NFIB: variants seen among roughly 807,000 people sequenced by gnomAD.
NFIB encodes the protein nuclear factor 1 B-type.
Under a neutral mutation model 61.5 loss-of-function variants are expected in NFIB, and 11 were observed. The ratio of observed to expected loss-of-function variants is 0.18; its 90% CI spans 0.11 to 0.30. NFIB has a LOEUF of 0.30. Among genes scored for constraint, NFIB ranks in the 10% least tolerant of loss-of-function variants. The pLI is 1.00. For missense variants in NFIB, 471 were observed against 608.9 expected (o/e 0.77, Z 2.38); for synonymous variants, 260 against 216.5 (o/e 1.20, Z -1.76).
intron 2 of NFIB, among the ~76,000 whole-genome samples, chr9:14,252,456 A>G (rs909571685): frequency 6.6e-6 from 1 of 152,134 alleles, no homozygotes; most frequent in Admixed American, 6.5e-5. Flanking sequence ...CTGTCAGTAA[A>G]GTAATAAAGT....
the NFIB span, among the ~76,000 whole-genome samples, chr9:14,477,966 C>G: frequency 6.6e-6 from 1 of 152,092 alleles, no homozygotes; most frequent in Non-Finnish European, 1.5e-5. Context: ...CACCCCACCC[C>G]CCATTCTATG....
intron 10 of NFIB, among the ~76,000 whole-genome samples, chr9:14,091,284 A>G (rs1249950939): frequency 6.6e-6 from 1 of 152,000 alleles, no homozygotes; most frequent in Non-Finnish European, 1.5e-5. Flanking sequence ...AACTAATTCA[A>G]TGACTGAGAT....
rs73645041 is a variant in NFIB, at chr9:14,281,347, T to C, written c.562+25642A>G. On this transcript the variant is annotated intron_variant, in intron 2 of 10. Coordinates refer to ENST00000380953, the MANE Select transcript of NFIB (RefSeq NM_001190737.2). ...AGTGAAAGGAGAACTAGTACATTTA[T>C]AAAGGAAGGCAAGGAGTAGAAAAAT... 6.2e-3 allele frequency among the ~76,000 whole-genome samples: 944 copies of C among 152,294 alleles called. 8 individuals carry two copies. The highest frequency in any genetic ancestry group is 0.021 in the African/African-American group (890 of 41,540).
chr9:14,306,871 G>A, intron 2 of NFIB, 118 bp downstream of exon 2: 1 of 1,246,936 alleles, frequency 8.0e-7, no homozygotes, highest in Non-Finnish European at 1.1e-6. Context: ...ACTATACCCA[G>A]AGAGGGTGGA....
At chr9:14,194,893 G>A (rs560565687) in intron 2 of NFIB, among the ~76,000 whole-genome samples, 3 of 152,044 alleles carry the variant, frequency 2.0e-5, no homozygotes, top group East Asian at 3.9e-4. Context: ...CTGAGATAAC[G>A]TATTAGGAAA....
At chr9:14,116,458 G>A (rs1255732457) in intron 8 of NFIB, 112 bp from the exon 9 acceptor site, 7 of 1,095,790 alleles carry the variant, frequency 6.4e-6, no homozygotes, top group Admixed American at 4.0e-5. Flanking sequence ...GCGCATAGGC[G>A]CCACACAGGC....
chr9:14,168,930 T>A (rs2045246059), intron 3 of NFIB, among the ~76,000 whole-genome samples: 1 of 152,194 alleles, frequency 6.6e-6, no homozygotes, highest in Non-Finnish European at 1.5e-5. Context: ...TAAGGTAACA[T>A]TATTCATGTG....
rs527472655 is a variant in NFIB at position 14,278,343 on chromosome 9, C to T, written c.562+28646G>A. Among the ~76,000 whole-genome samples, 11 of 152,314 alleles carry T rather than the reference C, an allele frequency of 7.2e-5. No individual in the cohort carries two copies. In the East Asian group the frequency reaches 1.7e-3, roughly 24 times the overall value. The stretch of plus-strand genomic sequence containing the variant: ...GACAGTGGTCCATTGTTAATTGAGT[C>T]GTGCGAAGCTACAGAAAGATTAGTT... On this transcript the variant is annotated intron_variant, in intron 2 of 10. Transcript: ENST00000380953.
At chr9:14,168,391 G>T (rs1024795996) in intron 3 of NFIB, among the ~76,000 whole-genome samples, 4 of 152,218 alleles carry the variant, frequency 2.6e-5, no homozygotes, top group African/African-American at 9.6e-5. Flanking sequence ...AAACAGCACT[G>T]CAGAGAGGCT....
intron 2 of NFIB, among the ~76,000 whole-genome samples, chr9:14,292,662 G>A (rs1284588613): frequency 6.6e-6 from 1 of 152,158 alleles, no homozygotes; most frequent in Non-Finnish European, 1.5e-5. Flanking sequence ...CCTGCAAACA[G>A]TAGGACCAGC....
chr9:14,478,149 A>G, the NFIB span, among the ~76,000 whole-genome samples: 5 of 152,182 alleles, frequency 3.3e-5, no homozygotes, highest in African/African-American at 1.2e-4. Context: ...ACACACCTAC[A>G]TATTCACACA....
intron 1 of NFIB, among the ~76,000 whole-genome samples, chr9:14,320,838 A>G (rs1277193973): frequency 6.6e-6 from 1 of 152,182 alleles, no homozygotes; most frequent in African/African-American, 2.4e-5. Flanking sequence ...GCCTATTGGA[A>G]GTTAAAGTTA....
chr9:14,422,662 G>C, the NFIB span, among the ~76,000 whole-genome samples: 1 of 152,202 alleles, frequency 6.6e-6, no homozygotes, highest in Non-Finnish European at 1.5e-5. Flanking sequence ...GATTCAGATT[G>C]GCTCAGCATA....
At chr9:14,318,912 C>A (rs1187528697), upstream of NFIB, among the ~76,000 whole-genome samples, 1 of 152,178 alleles carries the variant, frequency 6.6e-6, no homozygotes, top group Non-Finnish European at 1.5e-5. Flanking sequence ...CTGAGTACTA[C>A]TACTACTGTC....
chr9:14,408,567 T>C, the NFIB span, among the ~76,000 whole-genome samples: 1 of 152,226 alleles, frequency 6.6e-6, no homozygotes, highest in African/African-American at 2.4e-5. Flanking sequence ...TGGATGTGAT[T>C]ACATGATGCA....
chr9:14,467,877 G>A, the NFIB span, among the ~76,000 whole-genome samples: 2 of 152,180 alleles, frequency 1.3e-5, no homozygotes, highest in African/African-American at 2.4e-5. Context: ...TGAAAAAACT[G>A]AGGCTGAGTG....
the NFIB span, among the ~76,000 whole-genome samples, chr9:14,457,530 G>GACAGAGAC: frequency 6.7e-6 from 1 of 149,698 alleles, no homozygotes; most frequent in Non-Finnish European, 1.5e-5. Flanking sequence ...AACTGAAGGA[G>GACAGAGAC]ACAGAGACAC....
rs1475307547 is a variant in NFIB, at chr9:14,204,410, G to C, written c.563-24630C>G. The C allele has an allele frequency of 6.2e-6, 7 of 1,134,564 alleles. No homozygotes were observed. The East Asian group carries it at 1.7e-4, about 27-fold the overall frequency. 70.3% of individuals were successfully genotyped at this position (1,134,564 alleles called of 1,614,324 possible). Reference sequence around the variant, plus strand: ...GCCCAAAAGAGACCTCGCCCGCTTTGTGAAATGGCCCCGCTATAGCAGGTT... The same window carrying C: ...GCCCAAAAGAGACCTCGCCCGCTTTCTGAAATGGCCCCGCTATAGCAGGTT... On this transcript the variant is annotated intron_variant, in intron 2 of 10. Transcript: ENST00000380953.
the NFIB span, among the ~76,000 whole-genome samples, chr9:14,481,218 T>TATATATATGTATATATATATGTAC: frequency 6.3e-3 from 720 of 114,194 alleles, 36 homozygotes; most frequent in Non-Finnish European, 0.01. Context: ...TATATATATA[T>TATATATATGTATATATATATGTAC]ATATATATAT....
Sources: allele counts gnomAD v4.1 joint callset (sites outside exome capture counted in the v4.1 genomes callset), GRCh38; gene constraint gnomAD v4.1.1; transcripts MANE v1.5; gene names NCBI Gene and HGNC (gene_info 2026-07-23, HGNC 2026-07-21).